The following SNTG1 variants were observed in gnomAD, a reference collection of about 807,000 sequenced individuals.
SNTG1 encodes the protein gamma-1-syntrophin.
SNTG1 carries 39 observed loss-of-function variants against 74.7 expected under a neutral mutation model. The ratio of observed to expected loss-of-function variants is 0.52; its 90% CI spans 0.40 to 0.68. SNTG1 has a LOEUF of 0.68. Among genes scored for constraint, SNTG1 ranks in the 30% least tolerant of loss-of-function variants. SNTG1 has a pLI of 0.00. For synonymous variants in SNTG1, 254 were observed against 217.1 expected (o/e 1.17, Z -1.49); for missense variants, 685 against 609.5 (o/e 1.12, Z -1.30).
intron 2 of SNTG1, among the ~76,000 whole-genome samples, chr8:50,352,359 T>G (rs529508843): frequency 1.3e-5 from 2 of 152,112 alleles, no homozygotes; most frequent in Non-Finnish European, 2.9e-5. Context: ...ATTCAAAACA[T>G]CTGACATCCT....
chr8:50,667,778 A>G (rs1435255189), intron 15 of SNTG1, among the ~76,000 whole-genome samples: 1 of 152,032 alleles, frequency 6.6e-6, no homozygotes, highest in Admixed American at 6.6e-5. Context: ...TTTTTCTTAA[A>G]AAGGTTGATT....
chr8:50,307,328 A>G (rs2089941167), intron 2 of SNTG1, among the ~76,000 whole-genome samples: 1 of 152,086 alleles, frequency 6.6e-6, no homozygotes, highest in African/African-American at 2.4e-5. Flanking sequence ...TATATGAGAT[A>G]TTTAAGCACT....
At chr8:49,998,884 T>C (rs572330402) in intron 1 of SNTG1, among the ~76,000 whole-genome samples, 2 of 152,292 alleles carry the variant, frequency 1.3e-5, no homozygotes, top group African/African-American at 4.8e-5. Context: ...ACCAGTAGCA[T>C]AGTCATTTAT....
intron 17 of SNTG1, among the ~76,000 whole-genome samples, chr8:50,724,565 TGAGA>T (rs1052897141): frequency 4.6e-5 from 7 of 152,126 alleles, no homozygotes; most frequent in African/African-American, 1.7e-4. Context: ...AAAGAGAAAC[TGAGA>T]GATATTTCAT....
intron 2 of SNTG1, among the ~76,000 whole-genome samples, chr8:50,304,979 T>G (rs1367162964): frequency 6.6e-6 from 1 of 152,168 alleles, no homozygotes; most frequent in Non-Finnish European, 1.5e-5. Flanking sequence ...CTCGGCTCAC[T>G]GCAACCTCCA....
intron 18 of SNTG1, chr8:50,762,645 C>G: frequency 2.3e-6 from 1 of 432,982 alleles, no homozygotes; most frequent in Non-Finnish European, 4.7e-6. Context: ...TTCTTATTAG[C>G]ATCTGTGTAA....
At chr8:50,642,726 C>G (rs1028533118) in intron 13 of SNTG1, among the ~76,000 whole-genome samples, 8 of 152,138 alleles carry the variant, frequency 5.3e-5, no homozygotes, top group Non-Finnish European at 8.8e-5. Context: ...TTCAGCCCTT[C>G]CCAGTATTTT....
At chr8:50,312,861 CA>C (rs1587077430) in intron 2 of SNTG1, among the ~76,000 whole-genome samples, 1 of 149,956 alleles carries the variant, frequency 6.7e-6, no homozygotes, top group African/African-American at 2.5e-5. Flanking sequence ...CTATCTTACC[CA>C]AAATTACTAA....
intron 9 of SNTG1, among the ~76,000 whole-genome samples, chr8:50,507,825 C>T (rs533568941): frequency 6.6e-6 from 1 of 151,564 alleles, no homozygotes; most frequent in South Asian, 2.1e-4. Flanking sequence ...CTAATGTTAT[C>T]CCTTCCCCCT....
intron 2 of SNTG1, among the ~76,000 whole-genome samples, chr8:50,359,716 T>G (rs1416409186): frequency 6.6e-6 from 1 of 152,176 alleles, no homozygotes; most frequent in East Asian, 1.9e-4. Context: ...TCTCAACTCT[T>G]TAAAAATCAT....
At chr8:50,374,672 A>C (rs1013167763) in intron 2 of SNTG1, among the ~76,000 whole-genome samples, 1 of 152,222 alleles carries the variant, frequency 6.6e-6, no homozygotes, top group African/African-American at 2.4e-5. Flanking sequence ...TGGAAAATAA[A>C]GTGAACTTAA....
chr8:50,099,673 A>T (rs1482926159), intron 1 of SNTG1, among the ~76,000 whole-genome samples: 1 of 152,098 alleles, frequency 6.6e-6, no homozygotes, highest in African/African-American at 2.4e-5. Flanking sequence ...TCTTTGTGAT[A>T]ATAGGCATTC....
At chr8:50,032,258 T>C (rs2130762400) in intron 1 of SNTG1, among the ~76,000 whole-genome samples, 1 of 152,172 alleles carries the variant, frequency 6.6e-6, no homozygotes, top group South Asian at 2.1e-4. Context: ...GTTTTATTGC[T>C]TTTTTCTTTT....
intron 1 of SNTG1, among the ~76,000 whole-genome samples, chr8:50,040,248 AT>A (rs1186302958): frequency 2.6e-5 from 4 of 152,156 alleles, no homozygotes; most frequent in African/African-American, 9.7e-5. Flanking sequence ...AGGTAGAAAT[AT>A]TTGCACCACA....
At chr8:50,032,637 G>A (rs904562185) in intron 1 of SNTG1, among the ~76,000 whole-genome samples, 2 of 152,122 alleles carry the variant, frequency 1.3e-5, no homozygotes, top group African/African-American at 4.8e-5. Context: ...CTGCTCTGCT[G>A]TCTTCTTTCC....
intron 1 of SNTG1, among the ~76,000 whole-genome samples, chr8:50,150,527 G>A (rs1056476126): frequency 1.3e-5 from 2 of 151,984 alleles, no homozygotes; most frequent in African/African-American, 4.8e-5. Context: ...ATTGGCTGTG[G>A]GTTTGTCATA....
Position 50,254,779 on chromosome 8 carries a change from G to A in SNTG1, c.-28+82144G>A, listed in dbSNP as rs2086800163. ...GAGAATCACTTGAACCTGGGAGGTG[G>A]AGGTTGCAGTGATCTGAGATTGAGC... On this transcript the variant is annotated intron_variant, in intron 2 of 18. Coordinates refer to ENST00000642720, the MANE Select transcript of SNTG1 (RefSeq NM_018967.5). 2.6e-5 allele frequency among the ~76,000 whole-genome samples: 4 copies of A among 151,572 alleles called. No individual in the cohort carries two copies. In the South Asian group the frequency reaches 8.3e-4, roughly 31 times the overall value.
At chr8:50,640,974 T>C (rs577121820) in intron 13 of SNTG1, among the ~76,000 whole-genome samples, 3 of 152,296 alleles carry the variant, frequency 2.0e-5, no homozygotes, top group African/African-American at 7.2e-5. Flanking sequence ...CAGCTTAAAT[T>C]CCATAATCAA....
At chr8:50,222,352 A>G (rs989624410) in intron 2 of SNTG1, among the ~76,000 whole-genome samples, 5 of 152,160 alleles carry the variant, frequency 3.3e-5, no homozygotes, top group African/African-American at 9.7e-5. Context: ...AGATTGGCCC[A>G]AGTCCAGGAA....
Sources: allele counts gnomAD v4.1 joint callset (sites outside exome capture counted in the v4.1 genomes callset), GRCh38; gene constraint gnomAD v4.1.1; transcripts MANE v1.5; gene names NCBI Gene and HGNC (gene_info 2026-07-23, HGNC 2026-07-21).